The following NBAS variants were observed in gnomAD, a reference collection of about 807,000 sequenced individuals.
NBAS encodes the protein NAG/BC035112 fusion.
Under a neutral mutation model 302.5 loss-of-function variants are expected in NBAS, and 219 were observed. That is an observed-to-expected ratio of 0.72 (90% CI 0.65 to 0.81). NBAS has a LOEUF of 0.81. Among genes scored for constraint, NBAS ranks in the 30% least tolerant of loss-of-function variants. The pLI, the probability that NBAS is intolerant of heterozygous loss-of-function variation, is 0.00. For missense variants in NBAS, 2,932 were observed against 2,841.6 expected, an observed-to-expected ratio of 1.03 and a Z score of -0.72; for synonymous variants, 1,118 against 1,021.6, an observed-to-expected ratio of 1.09 and a Z score of -1.80.
In NBAS at chr2:15,167,128, G is replaced by A. The variant is rs570539040; in HGVS notation, c.7036C>T (p.Leu2346Phe). The A allele has an allele frequency of 1.9e-6, 3 of 1,614,214 alleles. No individual in the cohort carries two copies. The highest frequency in any genetic ancestry group is 2.5e-6 in the Non-Finnish European group (3 of 1,180,016). ...TGAGTCCCCCTCACGGCCAGAAGGA[G>A]AGACCCGGCTTCGGCTTCATGGCCG... ...EAGHEAEAGS[L>F]LLAVRGTHQA... The change falls in exon 52 of 52, where the codon CTC becomes TTC. Residue 2346 changes from leucine (L) to phenylalanine (F), a missense_variant. By Grantham distance (22) the Leu-to-Phe change is conservative. Coordinates refer to ENST00000281513, the MANE Select transcript of NBAS (RefSeq NM_015909.4).
intron 48 of NBAS, among the ~76,000 whole-genome samples, chr2:15,204,667 T>C (rs1032724411): frequency 1.3e-5 from 2 of 152,206 alleles, no homozygotes; most frequent in African/African-American, 4.8e-5. Context: ...CACCATGGAA[T>C]ACTATACAGC....
At chr2:14,931,987 T>G in the NBAS span, among the ~76,000 whole-genome samples, 1 of 152,252 alleles carries the variant, frequency 6.6e-6, no homozygotes, top group Admixed American at 6.5e-5. Flanking sequence ...CCCATCATTT[T>G]TAGTTCACAG....
At chr2:15,475,214 G>A (rs937189456) in intron 14 of NBAS, among the ~76,000 whole-genome samples, 1 of 152,134 alleles carries the variant, frequency 6.6e-6, no homozygotes, top group Non-Finnish European at 1.5e-5. Flanking sequence ...GCTATTAAAG[G>A]TTGTTACCCT....
At chr2:15,279,024 C>A (rs1471303150) in intron 42 of NBAS, among the ~76,000 whole-genome samples, 2 of 152,128 alleles carry the variant, frequency 1.3e-5, no homozygotes, top group African/African-American at 2.4e-5. Context: ...ACAGTGTACA[C>A]ACAGTAGTAT....
chr2:15,118,885 G>A, the NBAS span, among the ~76,000 whole-genome samples: 1 of 152,182 alleles, frequency 6.6e-6, no homozygotes, highest in African/African-American at 2.4e-5. Flanking sequence ...ACTACATTCT[G>A]GGGTAGTTTG....
chr2:14,840,468 A>G, the NBAS span, among the ~76,000 whole-genome samples: 3 of 152,066 alleles, frequency 2.0e-5, no homozygotes, highest in African/African-American at 4.8e-5. Context: ...CCAAATAAAA[A>G]GGCATAAGAA....
chr2:14,800,618 G>C, the NBAS span, among the ~76,000 whole-genome samples: 1 of 152,228 alleles, frequency 6.6e-6, no homozygotes, highest in South Asian at 2.1e-4. Context: ...AAACATCACA[G>C]TATGTCTTCA....
chr2:14,889,986 C>T, the NBAS span, among the ~76,000 whole-genome samples: 2 of 152,140 alleles, frequency 1.3e-5, no homozygotes, highest in African/African-American at 4.8e-5. Context: ...ATTTTATATT[C>T]AAAATACATT....
At chr2:15,080,223 T>C in the NBAS span, among the ~76,000 whole-genome samples, 1 of 152,168 alleles carries the variant, frequency 6.6e-6, no homozygotes, top group Non-Finnish European at 1.5e-5. Flanking sequence ...TCCTTTCTCC[T>C]CCAGAACTCC....
the NBAS span, among the ~76,000 whole-genome samples, chr2:15,064,037 C>A: frequency 1.3e-5 from 2 of 152,122 alleles, no homozygotes; most frequent in African/African-American, 4.8e-5. Flanking sequence ...ATACGTCTTG[C>A]TAGGCCCATT....
chr2:15,297,269 G>A (rs1283552858), intron 40 of NBAS, among the ~76,000 whole-genome samples: 1 of 152,094 alleles, frequency 6.6e-6, no homozygotes, highest in Non-Finnish European at 1.5e-5. Context: ...TTTTATATTC[G>A]GTATGTAGGG....
chr2:15,430,669 T>G (rs934948077), intron 21 of NBAS, among the ~76,000 whole-genome samples: 1 of 152,176 alleles, frequency 6.6e-6, no homozygotes, highest in African/African-American at 2.4e-5. Flanking sequence ...ATCCAAAGCT[T>G]ACACTTTTAG....
the NBAS span, among the ~76,000 whole-genome samples, chr2:14,985,747 T>G: frequency 6.6e-6 from 1 of 152,230 alleles, no homozygotes; most frequent in Non-Finnish European, 1.5e-5. Flanking sequence ...TTAAAAATAT[T>G]ACATACATGG....
intron 10 of NBAS, among the ~76,000 whole-genome samples, chr2:15,509,640 T>C (rs1326204378): frequency 6.6e-6 from 1 of 152,260 alleles, no homozygotes; most frequent in East Asian, 1.9e-4. Context: ...CATTAGTTTA[T>C]TTTCAACACT....
At chr2:15,514,253 G>A (rs944019643) in intron 9 of NBAS, among the ~76,000 whole-genome samples, 1 of 152,036 alleles carries the variant, frequency 6.6e-6, no homozygotes, top group Admixed American at 6.5e-5. Flanking sequence ...CTGAATAACA[G>A]GCACTAAGGA....
the NBAS span, among the ~76,000 whole-genome samples, chr2:15,089,180 C>T: frequency 6.6e-6 from 1 of 152,114 alleles, no homozygotes; most frequent in Admixed American, 6.6e-5. Context: ...TAGGGGCTCA[C>T]CATGTTGCCC....
At chr2:14,793,932 C>T in the NBAS span, among the ~76,000 whole-genome samples, 1 of 152,050 alleles carries the variant, frequency 6.6e-6, no homozygotes, top group African/African-American at 2.4e-5. Flanking sequence ...AAAATGCTAA[C>T]TGTGATCTAT....
At chr2:14,955,294 T>C in the NBAS span, among the ~76,000 whole-genome samples, 189 of 152,342 alleles carry the variant, frequency 1.2e-3, no homozygotes, top group African/African-American at 4.5e-3. Context: ...ACTCCAACCC[T>C]GTGGCTTTGC....
In NBAS at chr2:15,402,743, A is replaced by G. The variant is rs74941728; in HGVS notation, c.2938-442T>C. ...GGCATTATATATTACTCATTTAACT[A>G]CAGAGTGCTGACATTCTATTCAAAA... On this transcript the variant is annotated intron_variant, in intron 25 of 51. Transcript: ENST00000281513. Among the ~76,000 whole-genome samples the G allele has an allele frequency of 8.5e-3, 1,290 of 152,320 alleles. 19 individuals are homozygous for G. Among genetic ancestry groups the G allele is most frequent in the East Asian group, 0.06 (309 of 5,188 alleles).
Sources: allele counts gnomAD v4.1 joint callset (sites outside exome capture counted in the v4.1 genomes callset), GRCh38; gene constraint gnomAD v4.1.1; transcripts MANE v1.5; gene names NCBI Gene and HGNC (gene_info 2026-07-23, HGNC 2026-07-21).